The following SLC38A11 variants were observed in gnomAD, a reference collection of about 807,000 sequenced individuals.
SLC38A11 encodes the protein solute carrier family 38 member 11.
A neutral mutation model predicts 49.4 loss-of-function variants in SLC38A11; 51 were observed. That is an observed-to-expected ratio of 1.03 (90% confidence interval 0.83 to 1.30). SLC38A11 has a LOEUF of 1.30. SLC38A11 is among the 50% of genes most tolerant of loss of function. The pLI, the probability that SLC38A11 is intolerant of heterozygous loss-of-function variation, is 0.00. For missense variants in SLC38A11, 574 were observed against 556.2 expected (o/e 1.03, Z -0.32); for synonymous variants, 203 against 192.9 (o/e 1.05, Z -0.43).
intron 11 of SLC38A11, among the ~76,000 whole-genome samples, chr2:164,905,122 T>A (rs1204054388): frequency 6.6e-6 from 1 of 151,890 alleles, no homozygotes; most frequent in Non-Finnish European, 1.5e-5. Flanking sequence ...TATTATTCTT[T>A]TTTTTTATTT....
Position 164,915,916 on chromosome 2 carries a change from C to T in SLC38A11, c.675G>A (p.Gly225=), listed in dbSNP as rs150528973. 404 of 1,602,804 alleles carry T rather than the reference C, an allele frequency of 2.5e-4. 1 individual carries two copies. The Middle Eastern group carries it at 3.8e-3, about 15-fold the overall frequency. The stretch of plus-strand genomic sequence containing the variant: ...CCAAATACTCACCAAAAGACATAAC[C>T]CCGACCGCTTGAATGGCATTGGGCT... ...FAKPNAIQAV[G]VMSFAFICHH... Residue 225 remains glycine, a synonymous_variant, in exon 8 of 12, where the codon GGG becomes GGA. Coordinates refer to ENST00000685975, the MANE Select transcript of SLC38A11 (RefSeq NM_001351537.2).
At chr2:164,904,860 T>C (rs1684889301) in intron 11 of SLC38A11, among the ~76,000 whole-genome samples, 1 of 152,158 alleles carries the variant, frequency 6.6e-6, no homozygotes, top group Admixed American at 6.5e-5. Flanking sequence ...ATAATTATTT[T>C]ACATAATTTA....
intron 5 of SLC38A11, among the ~76,000 whole-genome samples, chr2:164,941,819 TATGAGA>T (rs1687786963): frequency 6.6e-6 from 1 of 152,142 alleles, no homozygotes; most frequent in Admixed American, 6.5e-5. Flanking sequence ...TACGTTTTGA[TATGAGA>T]ATATGTTCTT....
intron 5 of SLC38A11, among the ~76,000 whole-genome samples, chr2:164,943,881 G>T (rs1027772775): frequency 6.6e-6 from 1 of 152,000 alleles, no homozygotes; most frequent in Admixed American, 6.6e-5. Flanking sequence ...TTTTGAGACA[G>T]GGTCTCACTC....
chr2:164,941,579 T>C (rs1166504163), intron 5 of SLC38A11, among the ~76,000 whole-genome samples: 1 of 152,148 alleles, frequency 6.6e-6, no homozygotes, highest in Non-Finnish European at 1.5e-5. Context: ...TTTTTGATTA[T>C]TACAAAATTG....
intron 11 of SLC38A11, among the ~76,000 whole-genome samples, chr2:164,905,178 C>T (rs956061965): frequency 6.6e-5 from 10 of 151,954 alleles, no homozygotes; most frequent in South Asian, 2.1e-4. Context: ...AGTGCACTGG[C>T]GCAATCTTGG....
At chr2:164,937,245 A>G (rs1687432694) in intron 7 of SLC38A11, 105 bp downstream of exon 7, 2 of 753,744 alleles carry the variant, frequency 2.7e-6, no homozygotes, top group Non-Finnish European at 2.2e-6. Flanking sequence ...AAGATAAATG[A>G]TGTTTCTGAT....
intron 7 of SLC38A11, among the ~76,000 whole-genome samples, chr2:164,933,384 T>C (rs1687144276): frequency 6.6e-6 from 1 of 152,050 alleles, no homozygotes; most frequent in Admixed American, 6.6e-5. Flanking sequence ...AGCAAAAGGT[T>C]AGAAAATACC....
chr2:164,944,350 G>A lies in SLC38A11; in HGVS notation c.430+219C>T, dbSNP rs866377473. Among the ~76,000 whole-genome samples the A allele has an allele frequency of 3.9e-5, 6 of 152,146 alleles. 1 individual carries two copies. Among genetic ancestry groups the A allele is most frequent in the African/African-American group, 1.4e-4 (6 of 41,520 alleles). On this transcript the variant is annotated intron_variant, in intron 5 of 11. Transcript: ENST00000685975. ...ATAAAGTATTCTAAGTATTTAAATA[G>A]TAACAACATTTTTTCAAACAGCTAA...
At chr2:164,942,584 CTTTCTTATTTT>C (rs1454833066) in intron 5 of SLC38A11, among the ~76,000 whole-genome samples, 1 of 152,034 alleles carries the variant, frequency 6.6e-6, no homozygotes, top group Non-Finnish European at 1.5e-5. Context: ...AAATGTATTT[CTTTCTTATTTT>C]TTCTTACTTG....
At chr2:164,918,256 C>A (rs1319631707) in intron 7 of SLC38A11, among the ~76,000 whole-genome samples, 1 of 151,896 alleles carries the variant, frequency 6.6e-6, no homozygotes, top group Non-Finnish European at 1.5e-5. Flanking sequence ...GGAATTATGA[C>A]TACGAATATT....
chr2:164,951,134 G>A (rs114926756), intron 3 of SLC38A11, among the ~76,000 whole-genome samples: 1 of 152,128 alleles, frequency 6.6e-6, no homozygotes, highest in Non-Finnish European at 1.5e-5. Context: ...TCACATTATA[G>A]TTTATTTATG....
At chr2:164,910,379 C>T (rs1021951414) in intron 10 of SLC38A11, among the ~76,000 whole-genome samples, 1 of 152,134 alleles carries the variant, frequency 6.6e-6, no homozygotes, top group Middle Eastern at 3.4e-3. Context: ...TTTGAACCTA[C>T]GTACTGAGCA....
intron 11 of SLC38A11, among the ~76,000 whole-genome samples, chr2:164,904,302 C>T (rs945977122): frequency 1.3e-5 from 2 of 152,044 alleles, no homozygotes; most frequent in South Asian, 4.2e-4. Flanking sequence ...TTCTTGTTAC[C>T]AAGAATAGTG....
chr2:164,951,782 T>A (rs866061033), intron 3 of SLC38A11, among the ~76,000 whole-genome samples: 4 of 151,700 alleles, frequency 2.6e-5, no homozygotes, highest in South Asian at 4.2e-4. Context: ...GGGGAAAGAG[T>A]TCAGCAAGTA....
intron 6 of SLC38A11, among the ~76,000 whole-genome samples, chr2:164,938,586 C>T (rs1985231): frequency 0.063 from 9,604 of 152,140 alleles, 993 homozygotes; most frequent in African/African-American, 0.22. Flanking sequence ...TGTTTTGATA[C>T]ACTCTTGTTT....
chr2:164,937,489 G>A lies in SLC38A11; in HGVS notation c.538-60C>T, dbSNP rs984644821. 1.1e-5 allele frequency: 12 copies of A among 1,128,482 alleles called. No individual in the cohort carries two copies. In the Admixed American group the frequency reaches 1.9e-4, roughly 18 times the overall value. The allele number at this position is 1,128,482 out of a possible 1,614,324, so 69.9% of individuals were successfully genotyped here. Reference sequence around the variant, plus strand: ...GGACAGAAATTATTTTATTTAAAATGTTAAGTCTTTCTCATTTTTAATTGG... The same window carrying A: ...GGACAGAAATTATTTTATTTAAAATATTAAGTCTTTCTCATTTTTAATTGG... On this transcript the variant is annotated intron_variant, in intron 6 of 11. Coordinates refer to ENST00000685975, the MANE Select transcript of SLC38A11 (RefSeq NM_001351537.2).
At chr2:164,944,844 C>A (rs1574000499) in intron 4 of SLC38A11, among the ~76,000 whole-genome samples, 1 of 152,094 alleles carries the variant, frequency 6.6e-6, no homozygotes, top group South Asian at 2.1e-4. Context: ...AAGATTTTCT[C>A]TTTACAAGTT....
rs535169341 is a variant in SLC38A11, at chr2:164,926,797, G to T, written c.617+10553C>A. On this transcript the variant is annotated intron_variant, in intron 7 of 11. Coordinates refer to ENST00000685975, the MANE Select transcript of SLC38A11 (RefSeq NM_001351537.2). ...CAAACACCGCATGTTCTCACTCATA[G>T]GTGGGAATTGAACAATGAGAATACT... Among the ~76,000 whole-genome samples, 441 of 149,062 alleles carry T rather than the reference G, an allele frequency of 3.0e-3. 1 individual carries two copies. Among genetic ancestry groups the T allele is most frequent in the African/African-American group, 0.01 (420 of 40,386 alleles).
Sources: gnomAD v4.1 joint callset for allele counts (sites outside exome capture counted in the v4.1 genomes callset) on GRCh38, gnomAD v4.1.1 for gene constraint, MANE v1.5 for transcripts, NCBI Gene and HGNC (gene_info 2026-07-23, HGNC 2026-07-21) for gene names.